Variants in WWOX observed in about 807,000 individuals in gnomAD.
WWOX encodes the protein WW domain-containing oxidoreductase.
A neutral mutation model predicts 46.2 loss-of-function variants in WWOX; 69 were observed. The ratio of observed to expected loss-of-function variants is 1.49; its 90% CI spans 1.23 to 1.82. The LOEUF is 1.82. Ranked by LOEUF, WWOX falls within the 40% of genes most tolerant of loss-of-function variation. The probability of loss-of-function intolerance (pLI) is 0.00; values close to 1 mark genes in which losing one functional copy is unlikely to be tolerated. For missense variants in WWOX, 919 were observed against 542.6 expected, an observed-to-expected ratio of 1.69 and a Z score of -6.89; for synonymous variants, 359 against 202.6, an observed-to-expected ratio of 1.77 and a Z score of -6.56.
chr16:79,005,069 G>A (rs56892093), intron 8 of WWOX, among the ~76,000 whole-genome samples: 21,829 of 152,136 alleles, frequency 0.14, 1,840 homozygotes, highest in East Asian at 0.25. Flanking sequence ...CCCTGTACTG[G>A]GCACATGGAT....
intron 8 of WWOX, among the ~76,000 whole-genome samples, chr16:78,907,096 T>C (rs189035944): frequency 3.5e-4 from 53 of 152,254 alleles, no homozygotes; most frequent in Non-Finnish European, 6.2e-4. Context: ...GTTACTCAAA[T>C]CAGCTTTCCT....
intron 5 of WWOX, among the ~76,000 whole-genome samples, chr16:78,180,800 C>T (rs879419845): frequency 1.3e-5 from 2 of 152,092 alleles, no homozygotes; most frequent in African/African-American, 2.4e-5. Context: ...GCAGGTAAAC[C>T]CAGCTGCACC....
At chr16:78,332,234 C>G (rs1028950643) in intron 5 of WWOX, among the ~76,000 whole-genome samples, 5 of 152,192 alleles carry the variant, frequency 3.3e-5, no homozygotes, top group African/African-American at 1.2e-4. Flanking sequence ...CCTAAAGAGA[C>G]AGAATCCCAG....
At chr16:78,834,439 A>T (rs990591971) in intron 8 of WWOX, among the ~76,000 whole-genome samples, 3 of 152,152 alleles carry the variant, frequency 2.0e-5, no homozygotes, top group African/African-American at 4.8e-5. Flanking sequence ...CTCAGCTCCT[A>T]AGTAAACCAA....
chr16:78,682,513 T>A (rs535725121), intron 8 of WWOX, among the ~76,000 whole-genome samples: 3 of 151,802 alleles, frequency 2.0e-5, no homozygotes, highest in African/African-American at 7.2e-5. Context: ...AGCCCAGGAG[T>A]TGGAGGCTGC....
chr16:78,256,520 G>T (rs1432143327), intron 5 of WWOX, among the ~76,000 whole-genome samples: 1 of 151,736 alleles, frequency 6.6e-6, no homozygotes, highest in Non-Finnish European at 1.5e-5. Flanking sequence ...ACAGAGCTTT[G>T]TGACCCTCCT....
chr16:79,018,517 A>G (rs992656164), intron 8 of WWOX, among the ~76,000 whole-genome samples: 2 of 152,152 alleles, frequency 1.3e-5, no homozygotes, highest in African/African-American at 4.8e-5. Context: ...GGGATTTGAC[A>G]ATGGTCTGAT....
At chr16:79,029,117 T>C (rs906612304) in intron 8 of WWOX, among the ~76,000 whole-genome samples, 3 of 152,274 alleles carry the variant, frequency 2.0e-5, no homozygotes, top group Admixed American at 1.3e-4. Context: ...TATCTCAGGA[T>C]AGCAACAGGA....
chr16:78,843,399 A>C (rs904510177), intron 8 of WWOX, among the ~76,000 whole-genome samples: 2 of 150,132 alleles, frequency 1.3e-5, no homozygotes, highest in African/African-American at 2.4e-5. Flanking sequence ...GACTTAACAA[A>C]GCCAATCGCC....
At chr16:78,967,520 G>T (rs4587990) in intron 8 of WWOX, among the ~76,000 whole-genome samples, 13,844 of 142,598 alleles carry the variant, frequency 0.097, 721 homozygotes, top group Middle Eastern at 0.21. Context: ...CTCCAGGCTG[G>T]TTTCAAACTC....
intron 6 of WWOX, among the ~76,000 whole-genome samples, chr16:78,422,151 G>A (rs1235951214): frequency 2.0e-5 from 3 of 152,022 alleles, no homozygotes; most frequent in East Asian, 1.9e-4. Flanking sequence ...AAGAAGATAC[G>A]TGTTTGTCTC....
At position 78,342,506 on chromosome 16, in the gene WWOX, G is replaced by C. The variant is rs936226275; in HGVS notation, c.517-44354G>C. 5.8e-4 allele frequency among the ~76,000 whole-genome samples: 70 copies of C among 120,106 alleles called. 20 individuals carry two copies. Among genetic ancestry groups the C allele is most frequent in the African/African-American group, 1.8e-3 (63 of 35,410 alleles). 78.8% of individuals were successfully genotyped at this position (120,106 alleles called of 152,430 possible). On this transcript the variant is annotated intron_variant, in intron 5 of 8. Transcript: ENST00000566780. ...TTGCTTCCATCAACATTCCACTGGC[G>C]AGAGTGAGTCCCTGGCCCCTATGTA... is the stretch of plus-strand genomic sequence containing the variant.
At chr16:78,299,736 C>G (rs960670725) in intron 5 of WWOX, among the ~76,000 whole-genome samples, 3 of 152,042 alleles carry the variant, frequency 2.0e-5, no homozygotes, top group East Asian at 3.9e-4. Flanking sequence ...GCCATGTTGC[C>G]CAGGCTGTTC....
intron 8 of WWOX, among the ~76,000 whole-genome samples, chr16:78,677,925 A>C (rs1001645493): frequency 1.1e-4 from 17 of 152,200 alleles, no homozygotes; most frequent in African/African-American, 4.1e-4. Context: ...TTCCACTCCT[A>C]CAAATCTTTG....
At chr16:79,076,996 G>A (rs938223108) in intron 8 of WWOX, among the ~76,000 whole-genome samples, 1 of 152,166 alleles carries the variant, frequency 6.6e-6, no homozygotes, top group Non-Finnish European at 1.5e-5. Context: ...AGGTTGAACT[G>A]TATGAAATGA....
intron 1 of WWOX, among the ~76,000 whole-genome samples, chr16:78,107,359 G>A (rs562501450): frequency 6.6e-6 from 1 of 152,116 alleles, no homozygotes; most frequent in African/African-American, 2.4e-5. Context: ...TAAGTTTGAC[G>A]CAAAAATAGG....
chr16:78,443,768 C>T (rs1287597146), intron 8 of WWOX, among the ~76,000 whole-genome samples: 1 of 152,126 alleles, frequency 6.6e-6, no homozygotes, highest in African/African-American at 2.4e-5. Flanking sequence ...CTCTTTATAA[C>T]TCTTTGTAGC....
intron 8 of WWOX, chr16:79,204,111 T>C (rs7203865): frequency 0.79 from 119,226 of 151,366 alleles, 47,853 homozygotes; most frequent in Non-Finnish European, 0.85. Context: ...TCTGCTTGGC[T>C]ATTTCAAACC....
chr16:79,147,003 G>C (rs1032333070), intron 8 of WWOX, among the ~76,000 whole-genome samples: 1 of 152,168 alleles, frequency 6.6e-6, no homozygotes, highest in Non-Finnish European at 1.5e-5. Flanking sequence ...GTTTCCCCCA[G>C]TGATAGCTTT....
Sources: allele counts gnomAD v4.1 joint callset (sites outside exome capture counted in the v4.1 genomes callset), GRCh38; gene constraint gnomAD v4.1.1; transcripts MANE v1.5; gene names NCBI Gene and HGNC (gene_info 2026-07-23, HGNC 2026-07-21).